Variants in C1QTNF3 observed in about 807,000 individuals in gnomAD.
The protein encoded by C1QTNF3 is C1q and TNF related 3.
A neutral mutation model predicts 32.6 loss-of-function variants in C1QTNF3; 26 were observed. The observed-to-expected ratio is 0.80, with a 90% CI of 0.58 to 1.11. The LOEUF is 1.11. Ranked by LOEUF, C1QTNF3 falls within the 50% of genes least tolerant of loss-of-function variation. The pLI is 0.00. For synonymous variants in C1QTNF3, 155 were observed against 146.0 expected (o/e 1.06, Z -0.44); for missense variants, 362 against 398.2 (o/e 0.91, Z 0.77).
At chr5:34,057,427 T>C in the C1QTNF3 span, among the ~76,000 whole-genome samples, 2 of 152,200 alleles carry the variant, frequency 1.3e-5, no homozygotes, top group Admixed American at 6.5e-5. Flanking sequence ...TAAATGTCAC[T>C]GGTTTTGTTA....
chr5:34,084,146 G>A, the C1QTNF3 span, among the ~76,000 whole-genome samples: 3 of 151,594 alleles, frequency 2.0e-5, no homozygotes, highest in African/African-American at 7.3e-5. Flanking sequence ...TTATATTCTA[G>A]GCATCTGTAA....
chr5:34,175,528 T>C, the C1QTNF3 span: 4 of 305,822 alleles, frequency 1.3e-5, no homozygotes, highest in South Asian at 3.8e-5. Context: ...AGTGTTTCCT[T>C]CATCCTTGGC....
chr5:34,049,818 C>A, the C1QTNF3 span, among the ~76,000 whole-genome samples: 1 of 152,172 alleles, frequency 6.6e-6, no homozygotes, highest in African/African-American at 2.4e-5. Flanking sequence ...CAGGGTCCCT[C>A]AGTCTGTTTT....
At chr5:34,242,533 T>G in the C1QTNF3 span, among the ~76,000 whole-genome samples, 1 of 151,460 alleles carries the variant, frequency 6.6e-6, no homozygotes, top group African/African-American at 2.4e-5. Flanking sequence ...AAGGTTAAAA[T>G]GTAAGACTTC....
At chr5:34,038,716 A>C (rs1478834711) in intron 1 of C1QTNF3, among the ~76,000 whole-genome samples, 1 of 152,112 alleles carries the variant, frequency 6.6e-6, no homozygotes. Flanking sequence ...CTTTTTTTCT[A>C]TTTCCTGAGG....
chr5:34,156,856 T>G, the C1QTNF3 span, among the ~76,000 whole-genome samples: 1 of 152,210 alleles, frequency 6.6e-6, no homozygotes, highest in African/African-American at 2.4e-5. Context: ...TTGAATGAGA[T>G]AGTCATGTCT....
the C1QTNF3 span, among the ~76,000 whole-genome samples, chr5:34,211,661 G>A: frequency 6.6e-6 from 1 of 150,708 alleles, no homozygotes; most frequent in African/African-American, 2.4e-5. Flanking sequence ...TTGTCCTTGT[G>A]ATAGTTTACT....
the C1QTNF3 span, among the ~76,000 whole-genome samples, chr5:34,074,866 C>A: frequency 6.6e-6 from 1 of 151,380 alleles, no homozygotes; most frequent in Non-Finnish European, 1.5e-5. Context: ...AATATGATAG[C>A]AAAGCATAAA....
At chr5:34,162,235 T>C in the C1QTNF3 span, among the ~76,000 whole-genome samples, 13 of 152,302 alleles carry the variant, frequency 8.5e-5, no homozygotes, top group African/African-American at 3.1e-4. Flanking sequence ...AGTGCCTACA[T>C]TCTCTGTCAT....
chr5:34,080,289 T>C, the C1QTNF3 span, among the ~76,000 whole-genome samples: 2 of 151,768 alleles, frequency 1.3e-5, no homozygotes, highest in Non-Finnish European at 2.9e-5. Context: ...TCAGTTAATC[T>C]TCATTATTAG....
chr5:34,118,337 C>T, the C1QTNF3 span, among the ~76,000 whole-genome samples: 1 of 152,152 alleles, frequency 6.6e-6, no homozygotes, highest in East Asian at 1.9e-4. Context: ...CCTCAGCCTC[C>T]CAAAGTGCTG....
At chr5:34,132,515 G>A in the C1QTNF3 span, among the ~76,000 whole-genome samples, 12 of 150,086 alleles carry the variant, frequency 8.0e-5, no homozygotes, top group African/African-American at 2.7e-4. Flanking sequence ...TTAAATAAGT[G>A]TATCCTCTCT....
the C1QTNF3 span, among the ~76,000 whole-genome samples, chr5:34,079,516 G>C: frequency 6.6e-6 from 1 of 151,534 alleles, no homozygotes; most frequent in Non-Finnish European, 1.5e-5. Context: ...CATTCTAGCT[G>C]GAGTGAGTTG....
the C1QTNF3 span, among the ~76,000 whole-genome samples, chr5:34,212,544 A>C: frequency 6.6e-6 from 1 of 152,072 alleles, no homozygotes; most frequent in Non-Finnish European, 1.5e-5. Context: ...CAATGAACTC[A>C]AACAAATTTA....
intron 4 of C1QTNF3, among the ~76,000 whole-genome samples, chr5:34,026,635 G>A (rs935654191): frequency 1.3e-5 from 2 of 152,006 alleles, no homozygotes; most frequent in Admixed American, 6.6e-5. Flanking sequence ...AAAAGAATCC[G>A]TTAGTCCCCT....
the C1QTNF3 span, among the ~76,000 whole-genome samples, chr5:34,232,269 G>A: frequency 6.8e-4 from 103 of 152,286 alleles, no homozygotes; most frequent in Middle Eastern, 3.4e-3. Flanking sequence ...AGGCTTATAG[G>A]CAGAAGGGAT....
the C1QTNF3 span, among the ~76,000 whole-genome samples, chr5:34,147,125 T>A: frequency 2.4e-5 from 3 of 126,612 alleles, no homozygotes; most frequent in Non-Finnish European, 5.4e-5. Context: ...TCACAATGGC[T>A]ATTACTAAAA....
At chr5:34,070,884 T>A in the C1QTNF3 span, among the ~76,000 whole-genome samples, 1 of 152,170 alleles carries the variant, frequency 6.6e-6, no homozygotes, top group Non-Finnish European at 1.5e-5. Flanking sequence ...TCGCCCTCAA[T>A]CTTTTGCAAG....
chr5:34,233,996 A>G, the C1QTNF3 span, among the ~76,000 whole-genome samples: 2 of 152,158 alleles, frequency 1.3e-5, no homozygotes, highest in Non-Finnish European at 2.9e-5. Context: ...AAAAATCAGT[A>G]TTGTATTAGT....
Sources: allele counts gnomAD v4.1 joint callset (sites outside exome capture counted in the v4.1 genomes callset), GRCh38; gene constraint gnomAD v4.1.1; transcripts MANE v1.5; gene names NCBI Gene and HGNC (gene_info 2026-07-23, HGNC 2026-07-21).